The following VEPH1 variants were observed in gnomAD, a reference collection of about 807,000 sequenced individuals.
VEPH1 encodes the protein ventricular zone expressed PH domain containing 1.
Under a neutral mutation model 85.2 loss-of-function variants are expected in VEPH1, and 80 were observed. That is an observed-to-expected ratio of 0.94 (90% CI 0.78 to 1.13). The LOEUF is 1.13. Among genes scored for constraint, VEPH1 ranks in the 50% most tolerant of loss-of-function variants. VEPH1 has a pLI of 0.00. For missense variants in VEPH1, 955 were observed against 980.5 expected (o/e 0.97, Z 0.35); for synonymous variants, 297 against 348.0 (o/e 0.85, Z 1.63).
At chr3:157,392,633 CA>C (rs2108928402) in intron 6 of VEPH1, among the ~76,000 whole-genome samples, 1 of 151,794 alleles carries the variant, frequency 6.6e-6, no homozygotes, top group East Asian at 1.9e-4. Context: ...AAAAAAATCA[CA>C]AAATATCTCA....
rs116606697 is a variant in VEPH1, at chr3:157,477,197, T to C, written c.139-6668A>G. Among the ~76,000 whole-genome samples, 1,505 of 151,702 alleles carry C rather than the reference T, an allele frequency of 9.9e-3. 25 individuals carry two copies. The highest frequency in any genetic ancestry group is 0.034 in the African/African-American group (1,390 of 41,240). On this transcript the variant is annotated intron_variant, in intron 2 of 13. Coordinates refer to ENST00000362010, the MANE Select transcript of VEPH1 (RefSeq NM_001167912.2). ...TCTGGAGGCTCTGAGGGCATTTTTT[T>C]TTTTTTTAATCTGTTCTAGCTTCTA...
intron 9 of VEPH1, among the ~76,000 whole-genome samples, chr3:157,335,977 C>G (rs922837059): frequency 2.6e-5 from 4 of 152,136 alleles, no homozygotes; most frequent in Admixed American, 2.0e-4. Context: ...CTTCCTGGAC[C>G]GAGACCCTGA....
intron 6 of VEPH1, among the ~76,000 whole-genome samples, chr3:157,393,213 A>C (rs971427355): frequency 2.0e-5 from 3 of 152,224 alleles, no homozygotes; most frequent in Non-Finnish European, 2.9e-5. Context: ...GCTTATCAAG[A>C]GTTCTTGATG....
chr3:157,261,189 A>G lies in VEPH1; in HGVS notation c.2447T>C (p.Val816Ala). 6.2e-7 allele frequency: 1 copy of G among 1,613,812 alleles called. No homozygotes were observed. The highest frequency in any genetic ancestry group is 8.5e-7 in the Non-Finnish European group (1 of 1,179,798). The change falls in exon 14 of 14, where the codon GTG becomes GCG. Residue 816 changes from valine to alanine, a missense_variant. Val to Ala is a moderately conservative substitution (Grantham distance 64). Transcript: ENST00000362010. ...CCTTTCTTTGGCTTGGGCAACTGCC[A>G]CGTTGATGCACTGGAGCCATTCTTC... ...NAEEWLQCIN[V>A]AVAQAKERES...
chr3:157,265,489 T>C (rs1430406762), intron 13 of VEPH1, 37 bp downstream of exon 13: 1 of 1,599,448 alleles, frequency 6.3e-7, no homozygotes, highest in East Asian at 2.2e-5. Context: ...ATCAAAACCT[T>C]AAAAATGCAA....
chr3:157,269,606 CTGTT>C (rs35444387), intron 12 of VEPH1, among the ~76,000 whole-genome samples: 45,821 of 142,340 alleles, frequency 0.32, 7,619 homozygotes, highest in South Asian at 0.46. Context: ...TCTTAAAAAA[CTGTT>C]TGTTTGTTTG....
intron 3 of VEPH1, among the ~76,000 whole-genome samples, chr3:157,461,100 T>TAA (rs1232111765): frequency 6.6e-6 from 1 of 152,200 alleles, no homozygotes; most frequent in East Asian, 1.9e-4. Context: ...TAAATGAATG[T>TAA]AAGATTAAAA....
intron 11 of VEPH1, among the ~76,000 whole-genome samples, chr3:157,298,145 C>T (rs1185403097): frequency 6.6e-6 from 1 of 152,254 alleles, no homozygotes; most frequent in Non-Finnish European, 1.5e-5. Context: ...GCTGCACTTA[C>T]TCTGTTCCAG....
intron 6 of VEPH1, among the ~76,000 whole-genome samples, chr3:157,405,272 G>T (rs1316621571): frequency 6.6e-6 from 1 of 152,102 alleles, no homozygotes; most frequent in Non-Finnish European, 1.5e-5. Context: ...ACAAGACATT[G>T]TTGAAAATTT....
rs149652917 is a variant in VEPH1, at chr3:157,346,912, A to G, written c.1735+16452T>C. On this transcript the variant is annotated intron_variant, in intron 9 of 13. Coordinates refer to ENST00000362010, the MANE Select transcript of VEPH1 (RefSeq NM_001167912.2). ...ATTACAGGTGTGAGCCACCGTGCCT[A>G]GCCTAAATTTTGAATTAAATCCTTT... Among the ~76,000 whole-genome samples, 600 of 152,282 alleles carry G rather than the reference A, an allele frequency of 3.9e-3. 5 individuals carry two copies. Among genetic ancestry groups the G allele is most frequent in the Middle Eastern group, 0.031 (9 of 294 alleles).
chr3:157,350,870 A>G (rs531561650), intron 9 of VEPH1, among the ~76,000 whole-genome samples: 1 of 152,222 alleles, frequency 6.6e-6, no homozygotes, highest in Non-Finnish European at 1.5e-5. Context: ...GAAAAAAAAT[A>G]ACAAATGCTG....
At chr3:157,496,921 A>G (rs1445234066) in intron 1 of VEPH1, among the ~76,000 whole-genome samples, 1 of 152,256 alleles carries the variant, frequency 6.6e-6, no homozygotes, top group Non-Finnish European at 1.5e-5. Context: ...TAACACTTAC[A>G]TGCCTTTATC....
At chr3:157,483,303 G>GTACAACAC (rs1466684034) in intron 2 of VEPH1, among the ~76,000 whole-genome samples, 3 of 151,936 alleles carry the variant, frequency 2.0e-5, no homozygotes, top group African/African-American at 7.3e-5. Flanking sequence ...CACTTTGAAG[G>GTACAACAC]TACAACACTC....
intron 9 of VEPH1, among the ~76,000 whole-genome samples, chr3:157,358,151 T>C (rs938336814): frequency 9.9e-5 from 15 of 152,176 alleles, no homozygotes; most frequent in Non-Finnish European, 1.6e-4. Flanking sequence ...ATGACTGGGA[T>C]TGGGATATGT....
At chr3:157,488,887 T>C (rs1404726532) in intron 2 of VEPH1, among the ~76,000 whole-genome samples, 3 of 150,632 alleles carry the variant, frequency 2.0e-5, no homozygotes, top group Non-Finnish European at 3.0e-5. Context: ...TCCTAGTTTT[T>C]CAGGCCAAAA....
At position 157,364,473 on chromosome 3, in the gene VEPH1, C is replaced by T. The variant is rs1726414515; in HGVS notation, c.1167G>A (p.Leu389=). The T allele has an allele frequency of 6.2e-7, 1 of 1,613,892 alleles. No individual in the cohort carries two copies. The highest frequency in any genetic ancestry group is 1.1e-5 in the South Asian group (1 of 91,058). ...ISTEIEFPEK[L]EETKLIVTEN... is the part of the protein sequence containing the mutation. ...CAGTTACTATGAGCTTGGTTTCTTC[C>T]AGTTTCTCAGGGAATTCAATTTCAG... is the stretch of plus-strand genomic sequence containing the variant. The change falls in exon 8 of 14, where the codon CTG becomes CTA. Residue 389 remains leucine (L), a synonymous_variant. Transcript: ENST00000362010.
chr3:157,444,117 C>T (rs73158512), intron 4 of VEPH1, among the ~76,000 whole-genome samples: 7,651 of 152,188 alleles, frequency 0.05, 299 homozygotes, highest in East Asian at 0.12. Context: ...CTTTTCCCCA[C>T]CACACTAGTA....
At chr3:157,363,240 A>T (rs917980975) in intron 9 of VEPH1, 124 bp downstream of exon 9, 32 of 921,784 alleles carry the variant, frequency 3.5e-5, no homozygotes, top group South Asian at 1.9e-4. Flanking sequence ...TAAGGTATTT[A>T]AAAAAAATGA....
At chr3:157,448,364 A>G (rs1734708834) in intron 4 of VEPH1, among the ~76,000 whole-genome samples, 2 of 152,338 alleles carry the variant, frequency 1.3e-5, no homozygotes, top group South Asian at 4.1e-4. Flanking sequence ...GGAGCATGTA[A>G]AAGGCATATT....
Sources: gnomAD v4.1 joint callset for allele counts (sites outside exome capture counted in the v4.1 genomes callset) on GRCh38, gnomAD v4.1.1 for gene constraint, MANE v1.5 for transcripts, NCBI Gene and HGNC (gene_info 2026-07-23, HGNC 2026-07-21) for gene names.